LUZP2: variants seen among roughly 807,000 people sequenced by gnomAD.
LUZP2 encodes leucine zipper protein 2.
In LUZP2, 52 loss-of-function variants were observed where a neutral mutation model predicts 51.6. The observed-to-expected ratio is 1.01, with a 90% CI of 0.81 to 1.27. The LOEUF (loss-of-function observed/expected upper bound fraction) is 1.27. Ranked by LOEUF, LUZP2 falls within the 50% of genes most tolerant of loss-of-function variation. The pLI, the probability that LUZP2 is intolerant of heterozygous loss-of-function variation, is 0.00. For missense variants in LUZP2, 436 were observed against 395.4 expected (o/e 1.10, Z -0.87); for synonymous variants, 154 against 137.3 (o/e 1.12, Z -0.85).
chr11:25,077,450 G>A (rs1447396903), intron 11 of LUZP2, 44 bp downstream of exon 11: 7 of 968,818 alleles, frequency 7.2e-6, no homozygotes, highest in African/African-American at 1.7e-5. Flanking sequence ...AGCATTTATT[G>A]GATCCATTGT....
intron 9 of LUZP2, among the ~76,000 whole-genome samples, chr11:25,006,637 A>G (rs550738938): frequency 2.6e-5 from 4 of 152,294 alleles, no homozygotes; most frequent in South Asian, 4.1e-4. Flanking sequence ...CTAAGGAAAC[A>G]TAGGACAGAA....
At chr11:24,978,838 G>A (rs1426620439) in intron 8 of LUZP2, among the ~76,000 whole-genome samples, 4 of 151,826 alleles carry the variant, frequency 2.6e-5, no homozygotes, top group African/African-American at 9.6e-5. Context: ...CAGAGCTCAG[G>A]GTTAGTGTAG....
At chr11:24,606,242 G>A (rs1410893829) in intron 1 of LUZP2, among the ~76,000 whole-genome samples, 1 of 151,694 alleles carries the variant, frequency 6.6e-6, no homozygotes, top group Admixed American at 6.6e-5. Context: ...TTATGATACT[G>A]CAAAAGCAAT....
chr11:24,861,790 T>C (rs1851750733), intron 5 of LUZP2, among the ~76,000 whole-genome samples: 1 of 152,196 alleles, frequency 6.6e-6, no homozygotes, highest in Admixed American at 6.5e-5. Context: ...GCAGTCACAG[T>C]AGAATCGCTC....
chr11:24,949,616 T>C (rs1855016673), intron 7 of LUZP2, among the ~76,000 whole-genome samples: 2 of 151,552 alleles, frequency 1.3e-5, no homozygotes, highest in Admixed American at 6.6e-5. Flanking sequence ...CAATACAAAC[T>C]GTACTGTGTG....
rs192453618 is a variant in LUZP2 at position 24,997,305 on chromosome 11, G to T, written c.765+14012G>T. ...GTTGTTTCCTGACTTTTTAATGATC[G>T]CCATTCTAACTGGTGTGAGATGGTA... On this transcript the variant is annotated intron_variant, in intron 9 of 11. Coordinates refer to ENST00000336930, the MANE Select transcript of LUZP2 (RefSeq NM_001009909.4). Among the ~76,000 whole-genome samples the T allele has an allele frequency of 7.1e-3, 1,078 of 152,142 alleles. 15 individuals are homozygous for T. The highest frequency in any genetic ancestry group is 0.022 in the African/African-American group (899 of 41,488).
chr11:25,074,085 A>G (rs1020750079), intron 10 of LUZP2, among the ~76,000 whole-genome samples: 2 of 152,138 alleles, frequency 1.3e-5, no homozygotes, highest in African/African-American at 4.8e-5. Flanking sequence ...TTTATACTAC[A>G]ACATTGGAAA....
chr11:24,848,106 C>T (rs1851260309), intron 5 of LUZP2, among the ~76,000 whole-genome samples: 1 of 149,358 alleles, frequency 6.7e-6, no homozygotes, highest in Non-Finnish European at 1.5e-5. Flanking sequence ...GTCATTAGCT[C>T]TAGACCTTCT....
chr11:24,532,228 G>T (rs2133826450), intron 1 of LUZP2, among the ~76,000 whole-genome samples: 1 of 149,992 alleles, frequency 6.7e-6, no homozygotes. Context: ...TAACACTTTA[G>T]AACTTCAAAC....
chr11:24,764,494 A>G (rs982637034), intron 5 of LUZP2, among the ~76,000 whole-genome samples: 2 of 28,562 alleles, frequency 7.0e-5, no homozygotes, highest in African/African-American at 1.2e-4. Flanking sequence ...CATCTCTAAA[A>G]AAAAAAAAAA....
intron 7 of LUZP2, among the ~76,000 whole-genome samples, chr11:24,933,904 C>T (rs1184030444): frequency 6.6e-6 from 1 of 151,906 alleles, no homozygotes; most frequent in Non-Finnish European, 1.5e-5. Flanking sequence ...GGGGGTGGAT[C>T]TTACAAAATA....
intron 1 of LUZP2, among the ~76,000 whole-genome samples, chr11:24,691,486 T>A (rs540075119): frequency 6.6e-6 from 1 of 151,658 alleles, no homozygotes; most frequent in East Asian, 1.9e-4. Flanking sequence ...GTTTTTTTTT[T>A]TTTCAAAGTA....
At chr11:24,556,048 C>A (rs1019309759) in intron 1 of LUZP2, among the ~76,000 whole-genome samples, 6 of 152,118 alleles carry the variant, frequency 3.9e-5, no homozygotes, top group Non-Finnish European at 8.8e-5. Flanking sequence ...GGTGATTCAC[C>A]TACCAGTTTG....
Position 24,653,329 on chromosome 11 carries a change from T to C in LUZP2, c.63-75840T>C, listed in dbSNP as rs377720059. On this transcript the variant is annotated intron_variant, in intron 1 of 11. Coordinates refer to ENST00000336930, the MANE Select transcript of LUZP2 (RefSeq NM_001009909.4). ...GAGACAGATAAGTCACAGGAAACCA[T>C]AAGATTTCTTTTTTTGGTCTGGGTA... 3.9e-5 allele frequency among the ~76,000 whole-genome samples: 6 copies of C among 152,262 alleles called. No homozygotes were observed. The East Asian group carries it at 1.2e-3, about 29-fold the overall frequency.
chr11:24,785,766 G>A, intron 5 of LUZP2: 1 of 562,020 alleles, frequency 1.8e-6, no homozygotes, highest in Non-Finnish European at 2.3e-6. Context: ...AACTGTTAGA[G>A]ACAGAAGAGA....
At chr11:24,848,325 C>A (rs1363765007) in intron 5 of LUZP2, among the ~76,000 whole-genome samples, 1 of 152,126 alleles carries the variant, frequency 6.6e-6, no homozygotes, top group Non-Finnish European at 1.5e-5. Context: ...CCATCCTTAA[C>A]AGTAAAAATT....
At chr11:24,999,239 C>G (rs566797104) in intron 9 of LUZP2, among the ~76,000 whole-genome samples, 20 of 151,962 alleles carry the variant, frequency 1.3e-4, no homozygotes, top group Non-Finnish European at 2.4e-4. Flanking sequence ...TTCAATTATA[C>G]TTCTAAAAAC....
intron 5 of LUZP2, among the ~76,000 whole-genome samples, chr11:24,835,195 A>G (rs997784666): frequency 6.6e-6 from 1 of 152,192 alleles, no homozygotes; most frequent in Non-Finnish European, 1.5e-5. Flanking sequence ...CCTGACAAAA[A>G]CAAGGAATGG....
At chr11:24,736,504 CTT>C (rs1283656542) in intron 3 of LUZP2, among the ~76,000 whole-genome samples, 2 of 119,998 alleles carry the variant, frequency 1.7e-5, no homozygotes, top group Non-Finnish European at 3.9e-5. Context: ...TCCTTCCTTC[CTT>C]CCTTCCTTCC....
Sources: allele counts gnomAD v4.1 joint callset (sites outside exome capture counted in the v4.1 genomes callset), GRCh38; gene constraint gnomAD v4.1.1; transcripts MANE v1.5; gene names NCBI Gene and HGNC (gene_info 2026-07-23, HGNC 2026-07-21).